Variants in SP100 observed in about 807,000 individuals in gnomAD.
The protein encoded by SP100 is nuclear autoantigen Sp-100.
Under a neutral mutation model 130.0 loss-of-function variants are expected in SP100, and 84 were observed. The ratio of observed to expected loss-of-function variants is 0.65; its 90% confidence interval spans 0.54 to 0.77. SP100 has a LOEUF of 0.77. Ranked by LOEUF, SP100 falls within the 30% of genes least tolerant of loss-of-function variation. The pLI is 0.00. For missense variants in SP100, 978 were observed against 1,052.2 expected, an observed-to-expected ratio of 0.93 and a Z score of 0.97; for synonymous variants, 331 against 351.7, an observed-to-expected ratio of 0.94 and a Z score of 0.66.
At chr2:230,479,752 C>A (rs746268072) in intron 17 of SP100, among the ~76,000 whole-genome samples, 1 of 152,172 alleles carries the variant, frequency 6.6e-6, no homozygotes, top group Non-Finnish European at 1.5e-5. Context: ...TTTGGCCAAG[C>A]CCATGCTCAC....
intron 26 of SP100, 151 bp downstream of exon 26, chr2:230,541,147 T>C (rs1692156977): frequency 1.6e-6 from 2 of 1,245,044 alleles, no homozygotes; most frequent in Non-Finnish European, 2.3e-6. Flanking sequence ...ACAATTCATA[T>C]TCCAAAGAAA....
At chr2:230,445,655 G>A (rs983683663) in intron 4 of SP100, among the ~76,000 whole-genome samples, 1 of 152,114 alleles carries the variant, frequency 6.6e-6, no homozygotes, top group Non-Finnish European at 1.5e-5. Flanking sequence ...AGGAATAAAA[G>A]GAAATCAAAT....
intron 24 of SP100, among the ~76,000 whole-genome samples, chr2:230,536,616 C>T (rs540463539): frequency 1.2e-4 from 18 of 152,132 alleles, no homozygotes; most frequent in Non-Finnish European, 2.6e-4. Context: ...ACCAATTCCT[C>T]CTTACCACTC....
chr2:230,431,857 C>A (rs559016409), intron 2 of SP100, among the ~76,000 whole-genome samples: 22 of 152,286 alleles, frequency 1.4e-4, no homozygotes, highest in Middle Eastern at 3.4e-3. Context: ...CTATTCTGCA[C>A]ACCCACCTTT....
intron 2 of SP100, chr2:230,440,651 C>CA (rs899682094): frequency 1.0e-4 from 122 of 1,194,834 alleles, no homozygotes; most frequent in African/African-American, 2.9e-4. Flanking sequence ...AATTCAAATC[C>CA]AAAAAAAAGT....
chr2:230,448,972 T>G, intron 5 of SP100, 116 bp from the exon 6 acceptor site: 6 of 733,810 alleles, frequency 8.2e-6, no homozygotes, highest in East Asian at 4.9e-5. Context: ...GCCTTTGCAT[T>G]GAGACCTAGA....
intron 8 of SP100, among the ~76,000 whole-genome samples, chr2:230,453,330 A>G (rs1162715097): frequency 1.3e-5 from 2 of 152,142 alleles, no homozygotes; most frequent in Admixed American, 6.5e-5. Flanking sequence ...TGGGAACTAC[A>G]ATTCAAGATG....
intron 11 of SP100, among the ~76,000 whole-genome samples, chr2:230,465,291 C>T (rs2064883680): frequency 2.0e-5 from 3 of 151,646 alleles, no homozygotes; most frequent in South Asian, 2.1e-4. Context: ...TCCAGCTACT[C>T]GGGAGGCTGA....
intron 17 of SP100, among the ~76,000 whole-genome samples, chr2:230,475,556 T>C (rs1291982197): frequency 6.6e-6 from 1 of 152,184 alleles, no homozygotes; most frequent in African/African-American, 2.4e-5. Context: ...GTCCCACTTG[T>C]CAGTTTTTGT....
At chr2:230,429,630 C>CTT (rs1050291618) in intron 2 of SP100, among the ~76,000 whole-genome samples, 2 of 151,888 alleles carry the variant, frequency 1.3e-5, no homozygotes, top group Non-Finnish European at 2.9e-5. Flanking sequence ...ATCCCATAGG[C>CTT]TTTTTTTAAT....
intron 13 of SP100, 44 bp downstream of exon 13, chr2:230,467,259 C>T: frequency 7.3e-7 from 1 of 1,370,084 alleles, no homozygotes; most frequent in South Asian, 1.2e-5. Flanking sequence ...CTTCAGAGCA[C>T]CTCTTCCCTG....
At chr2:230,539,244 G>A in intron 24 of SP100, 23 bp from the exon 25 acceptor site, 1 of 1,488,134 alleles carries the variant, frequency 6.7e-7, no homozygotes, top group African/African-American at 1.4e-5. Flanking sequence ...TGATCCCGGT[G>A]ATGTCTACAT....
At chr2:230,473,260 G>T (rs952004766) in intron 15 of SP100, 64 bp from the exon 16 acceptor site, 2 of 1,100,490 alleles carry the variant, frequency 1.8e-6, no homozygotes, top group Middle Eastern at 2.0e-4. Context: ...ACTAATGTTG[G>T]GGGGAAGGAG....
chr2:230,533,120 T>G (rs1020044328), intron 24 of SP100, among the ~76,000 whole-genome samples: 1 of 152,200 alleles, frequency 6.6e-6, no homozygotes, highest in African/African-American at 2.4e-5. Context: ...AATTACTGTG[T>G]GTGTGCTTAA....
chr2:230,515,407 C>G, intron 24 of SP100: 1 of 1,613,840 alleles, frequency 6.2e-7, no homozygotes. Context: ...TGTGAAGAAA[C>G]TGGCAGGGAT....
chr2:230,529,301 A>G (rs943249955), intron 24 of SP100, among the ~76,000 whole-genome samples: 1 of 152,214 alleles, frequency 6.6e-6, no homozygotes, highest in Non-Finnish European at 1.5e-5. Context: ...GTAACCCATC[A>G]CGTAAACAGA....
intron 24 of SP100, among the ~76,000 whole-genome samples, chr2:230,528,409 C>G (rs1691533301): frequency 6.6e-6 from 1 of 152,210 alleles, no homozygotes; most frequent in South Asian, 2.1e-4. Flanking sequence ...ACCAGAATCT[C>G]TGGGACACAT....
chr2:230,501,522 A>T (rs2150062700), intron 19 of SP100, among the ~76,000 whole-genome samples: 1 of 152,342 alleles, frequency 6.6e-6, no homozygotes, highest in South Asian at 2.1e-4. Context: ...AGTAATTGTT[A>T]TGACAGAGGC....
At chr2:230,517,721 C>T (rs998120973) in intron 24 of SP100, among the ~76,000 whole-genome samples, 4 of 149,922 alleles carry the variant, frequency 2.7e-5, no homozygotes, top group African/African-American at 9.9e-5. Flanking sequence ...GCCGAGATTG[C>T]ACCACTGTAC....
Sources: gnomAD v4.1 joint callset for allele counts (sites outside exome capture counted in the v4.1 genomes callset) on GRCh38, gnomAD v4.1.1 for gene constraint, MANE v1.5 for transcripts, NCBI Gene and HGNC (gene_info 2026-07-23, HGNC 2026-07-21) for gene names.